Variants in FMN2 observed in about 807,000 individuals in gnomAD.
FMN2 encodes the protein formin 2.
FMN2 carries 51 observed loss-of-function variants against 142.3 expected under a neutral mutation model. That is an observed-to-expected ratio of 0.36 (90% CI 0.29 to 0.45). The LOEUF is 0.45. Ranked by LOEUF, FMN2 falls within the 20% of genes least tolerant of loss-of-function variation. FMN2 has a pLI of 1.00. For synonymous variants in FMN2, 882 were observed against 869.8 expected (o/e 1.01, Z -0.25); for missense variants, 1,936 against 2,122.8 (o/e 0.91, Z 1.73).
chr1:240,096,423 T>C (rs1661198798), intron 1 of FMN2, among the ~76,000 whole-genome samples: 1 of 152,188 alleles, frequency 6.6e-6, no homozygotes, highest in African/African-American at 2.4e-5. Flanking sequence ...GAAACTGTTC[T>C]TATGGTGGTC....
At chr1:240,442,700 G>A (rs541019621) in intron 16 of FMN2, among the ~76,000 whole-genome samples, 6 of 152,088 alleles carry the variant, frequency 3.9e-5, no homozygotes, top group South Asian at 2.1e-4. Flanking sequence ...TCTAATTTGC[G>A]TCTGATTACA....
chr1:240,317,029 C>A (rs534106926), intron 8 of FMN2, among the ~76,000 whole-genome samples: 4 of 152,020 alleles, frequency 2.6e-5, no homozygotes, highest in Non-Finnish European at 5.9e-5. Flanking sequence ...TAAAACAGGA[C>A]GAGTGGGTGG....
rs145075831 is a variant in FMN2, at chr1:240,219,375, T to A, written c.4065+8140T>A. ...GCAAAGGAGGATTTTATTCGTCATT[T>A]GACCTACATAGTCACAATTATGATA... On this transcript the variant is annotated intron_variant, in intron 6 of 17. Coordinates refer to ENST00000319653, the MANE Select transcript of FMN2 (RefSeq NM_020066.5). Among the ~76,000 whole-genome samples the A allele has an allele frequency of 6.6e-5, 10 of 152,318 alleles. No homozygotes were observed. The East Asian group carries it at 1.2e-3, about 18-fold the overall frequency.
At position 240,126,067 on chromosome 1, in the gene FMN2, T is replaced by C. The variant is rs140397230; in HGVS notation, c.1782+2722T>C. 9.0e-3 allele frequency among the ~76,000 whole-genome samples: 1,373 copies of C among 152,294 alleles called. 23 individuals carry two copies. Among genetic ancestry groups the C allele is most frequent in the African/African-American group, 0.031 (1,291 of 41,552 alleles). On this transcript the variant is annotated intron_variant, in intron 2 of 17. Coordinates refer to ENST00000319653, the MANE Select transcript of FMN2 (RefSeq NM_020066.5). ...TGAAATGTTATGCCCTATACTTAAA[T>C]AGCAGCTCAGTAACAGAACTATGCG... is the stretch of plus-strand genomic sequence containing the variant.
intron 2 of FMN2, among the ~76,000 whole-genome samples, chr1:240,131,213 C>G (rs891000664): frequency 6.6e-6 from 1 of 152,204 alleles, no homozygotes; most frequent in Admixed American, 6.5e-5. Flanking sequence ...ATTTTGCACA[C>G]TACAGGCATA....
chr1:240,300,910 T>TTTTC, intron 8 of FMN2, among the ~76,000 whole-genome samples: 1 of 151,812 alleles, frequency 6.6e-6, no homozygotes, highest in Admixed American at 6.6e-5. Context: ...TTTTTTTTTT[T>TTTTC]CCAACTCCAT....
rs917476203 is a variant in FMN2 at position 240,117,727 on chromosome 1, T to C, written c.1616-5452T>C. ...GTTAGATGCTGCATTCAGGCATTTG[T>C]ACATAGATTCATTGATGATCGAAAA... On this transcript the variant is annotated intron_variant, in intron 1 of 17. Coordinates refer to ENST00000319653, the MANE Select transcript of FMN2 (RefSeq NM_020066.5). 7.2e-5 allele frequency among the ~76,000 whole-genome samples: 11 copies of C among 152,296 alleles called. No homozygotes were observed. The South Asian group carries it at 2.3e-3, about 32-fold the overall frequency.
chr1:240,324,481 T>C (rs1307231415), intron 8 of FMN2, among the ~76,000 whole-genome samples: 1 of 152,084 alleles, frequency 6.6e-6, no homozygotes, highest in Admixed American at 6.6e-5. Context: ...GGCGAAGCCC[T>C]GTCTCTACTA....
At chr1:240,228,746 C>G (rs1254842811) in intron 6 of FMN2, among the ~76,000 whole-genome samples, 3 of 152,076 alleles carry the variant, frequency 2.0e-5, no homozygotes, top group African/African-American at 7.2e-5. Context: ...CTATAATTTT[C>G]TGGATAAATA....
At chr1:240,352,685 C>T (rs921770549) in intron 13 of FMN2, among the ~76,000 whole-genome samples, 6 of 152,204 alleles carry the variant, frequency 3.9e-5, no homozygotes, top group East Asian at 3.9e-4. Context: ...TGTTAAATCT[C>T]GGCCTCATTT....
At chr1:240,239,042 G>C (rs1172922822) in intron 6 of FMN2, among the ~76,000 whole-genome samples, 1 of 152,144 alleles carries the variant, frequency 6.6e-6, no homozygotes, top group African/African-American at 2.4e-5. Context: ...CTGAGTGATA[G>C]TTACAATGAT....
At chr1:240,112,681 C>G (rs1164996802) in intron 1 of FMN2, among the ~76,000 whole-genome samples, 1 of 152,222 alleles carries the variant, frequency 6.6e-6, no homozygotes, top group African/African-American at 2.4e-5. Context: ...TGAGAATTTT[C>G]TCCACTTGCA....
intron 16 of FMN2, among the ~76,000 whole-genome samples, chr1:240,439,645 A>G (rs1286515730): frequency 2.6e-5 from 4 of 152,208 alleles, no homozygotes; most frequent in African/African-American, 9.6e-5. Flanking sequence ...TCTGCTTCCA[A>G]ATGCATCAGT....
In FMN2 at chr1:240,157,872, C is replaced by T. The variant is rs570766956; in HGVS notation, c.1783-20049C>T. ...CTGAAAAGGGCCAGACGTGGTGGCTCACTCCTGTAATCCTAGCACTTTAGG... is the reference window on the plus strand; with the variant it reads ...CTGAAAAGGGCCAGACGTGGTGGCTTACTCCTGTAATCCTAGCACTTTAGG... On this transcript the variant is annotated intron_variant, in intron 2 of 17. Transcript: ENST00000319653. Among the ~76,000 whole-genome samples, 6 of 151,296 alleles carry T rather than the reference C, an allele frequency of 4.0e-5. No individual in the cohort carries two copies. In the South Asian group the frequency reaches 8.4e-4, roughly 21 times the overall value.
chr1:240,310,650 A>C (rs1433624103), intron 8 of FMN2, among the ~76,000 whole-genome samples: 1 of 152,184 alleles, frequency 6.6e-6, no homozygotes, highest in Non-Finnish European at 1.5e-5. Flanking sequence ...TCTTTTCCTA[A>C]GCAGTATATA....
In FMN2 at chr1:240,306,968, T is replaced by A. The variant is rs576692770; in HGVS notation, c.4215+12085T>A. On this transcript the variant is annotated intron_variant, in intron 8 of 17. Transcript: ENST00000319653. ...TCACTGGTGTGAGATGGCATCTCAT[T>A]GTGGTTTTGATTTGTATCTCTCTGG... 2.4e-4 allele frequency among the ~76,000 whole-genome samples: 36 copies of A among 152,350 alleles called. 1 individual carries two copies. Among genetic ancestry groups the A allele is most frequent in the Middle Eastern group, 6.8e-3 (2 of 294 alleles).
Position 240,334,149 on chromosome 1 carries a change from C to A in FMN2, c.4685C>A (p.Pro1562His). 1 of 1,609,020 alleles carries A rather than the reference C, an allele frequency of 6.2e-7. No individual in the cohort carries two copies. Among genetic ancestry groups the A allele is most frequent in the Non-Finnish European group, 8.5e-7 (1 of 1,178,648 alleles). ...KEQCLFPLPEPQDLFQASQMK... is the reference protein window; with the variant it reads ...KEQCLFPLPEHQDLFQASQMK... ...CAGTGCCTCTTTCCACTGCCAGAACCCCAGGACCTTTTTCAGGCCTCACAG... is the reference window on the plus strand; with the variant it reads ...CAGTGCCTCTTTCCACTGCCAGAACACCAGGACCTTTTTCAGGCCTCACAG... The change falls in exon 13 of 18, where the codon CCC becomes CAC. Residue 1562 changes from proline to histidine, a missense_variant. Pro to His is a moderately conservative substitution (Grantham distance 77, BLOSUM62 -2). Coordinates refer to ENST00000319653, the MANE Select transcript of FMN2 (RefSeq NM_020066.5).
chr1:240,213,882 G>A (rs1187965147), intron 6 of FMN2, among the ~76,000 whole-genome samples: 1 of 152,230 alleles, frequency 6.6e-6, no homozygotes, highest in African/African-American at 2.4e-5. Context: ...CGTTTTCAGT[G>A]TGATAATAGA....
intron 5 of FMN2, among the ~76,000 whole-genome samples, chr1:240,209,404 C>A (rs1572067445): frequency 6.6e-6 from 1 of 151,502 alleles, no homozygotes; most frequent in East Asian, 2.0e-4. Context: ...GCGCCCGCCA[C>A]CACGCCCGGT....
Sources: gnomAD v4.1 joint callset for allele counts (sites outside exome capture counted in the v4.1 genomes callset) on GRCh38, gnomAD v4.1.1 for gene constraint, MANE v1.5 for transcripts, NCBI Gene and HGNC (gene_info 2026-07-23, HGNC 2026-07-21) for gene names.